The following ADGRG4 variants were observed in gnomAD, a reference collection of about 807,000 sequenced individuals.
The protein encoded by ADGRG4 is adhesion G protein-coupled receptor G4.
Under a neutral mutation model 126.2 loss-of-function variants are expected in ADGRG4, and 122 were observed. The observed-to-expected ratio is 0.97, with a 90% CI of 0.83 to 1.12. The LOEUF (loss-of-function observed/expected upper bound fraction) is 1.12, where lower values mean the gene tolerates loss of function less well. Ranked by LOEUF, ADGRG4 falls within the 50% of genes most tolerant of loss-of-function variation. The pLI, the probability that ADGRG4 is intolerant of heterozygous loss-of-function variation, is 0.00. For synonymous variants in ADGRG4, 943 were observed against 838.7 expected, an observed-to-expected ratio of 1.12 and a Z score of -2.15; for missense variants, 2,481 against 2,251.8, an observed-to-expected ratio of 1.10 and a Z score of -2.06.
chrX:136,389,813 T>G (rs1044981803), intron 16 of ADGRG4, among the ~76,000 whole-genome samples: 12 of 112,024 alleles, frequency 1.1e-4, no homozygotes, highest in Non-Finnish European at 2.1e-4. Context: ...CTCATGGAAC[T>G]TCCAGTCTGC....
intron 21 of ADGRG4, 54 bp downstream of exon 21, chrX:136,400,170 A>C (rs1348102389): frequency 1.0e-6 from 1 of 959,937 alleles, no homozygotes; most frequent in African/African-American, 1.9e-5. Context: ...TGTCTTTCTA[A>C]TTCTAGCTCT....
At chrX:136,391,083 A>C (rs2075317120) in intron 16 of ADGRG4, among the ~76,000 whole-genome samples, 1 of 111,270 alleles carries the variant, frequency 9.0e-6, no homozygotes, top group Admixed American at 9.6e-5. Flanking sequence ...GTCCTAGTGG[A>C]GCCCCAGGCT....
chrX:136,363,218 G>T, intron 12 of ADGRG4, among the ~76,000 whole-genome samples: 1 of 111,356 alleles, frequency 9.0e-6, no homozygotes, highest in Non-Finnish European at 1.9e-5. Context: ...GTAGGACATT[G>T]CCATGCCCCA....
In ADGRG4 at chrX:136,344,452, T is replaced by C; in HGVS notation, c.746T>C (p.Met249Thr). The C allele has an allele frequency of 8.4e-7, 1 of 1,189,747 alleles. No homozygotes were observed. The highest frequency in any genetic ancestry group is 1.1e-6 in the Non-Finnish European group (1 of 876,818). ...KSTTVSQQIDMTTPSQITGVK... is the reference protein window; with the variant it reads ...KSTTVSQQIDTTTPSQITGVK... ...ACAACTGTTTCACAACAGATAGATA[T>C]GACCACTCCATCCCAAATTACTGGA... Residue 249 changes from methionine to threonine, a missense_variant, in exon 6 of 26, where the codon ATG (methionine) becomes ACG (threonine). Met to Thr is a moderately conservative substitution (Grantham distance 81, BLOSUM62 -1). Coordinates refer to ENST00000394143, the MANE Select transcript of ADGRG4 (RefSeq NM_153834.4).
intron 14 of ADGRG4, among the ~76,000 whole-genome samples, 193 bp downstream of exon 14, chrX:136,371,737 AG>A (rs1025847198): frequency 1.8e-5 from 2 of 111,742 alleles, no homozygotes; most frequent in African/African-American, 6.5e-5. Flanking sequence ...CAGCATAACA[AG>A]GATTTACATA....
At chrX:136,367,625 T>C (rs1222645691) in intron 13 of ADGRG4, among the ~76,000 whole-genome samples, 1 of 112,486 alleles carries the variant, frequency 8.9e-6, no homozygotes, top group Non-Finnish European at 1.9e-5. Flanking sequence ...TTGTAATGTA[T>C]ATAACTGAAA....
At chrX:136,325,974 G>A (rs769681076) in intron 5 of ADGRG4, among the ~76,000 whole-genome samples, 1 of 112,116 alleles carries the variant, frequency 8.9e-6, no homozygotes, top group African/African-American at 3.2e-5. Flanking sequence ...CCCTCCCAGA[G>A]TGTTGGGATT....
At position 136,347,749 on chromosome X, in the gene ADGRG4, C is replaced by T; in HGVS notation, c.4043C>T (p.Thr1348Ile). 1 of 1,210,781 alleles carries T rather than the reference C, an allele frequency of 8.3e-7. No individual in the cohort carries two copies. The highest frequency in any genetic ancestry group is 1.8e-5 in the South Asian group (1 of 56,960). The change falls in exon 6 of 26, where the codon ACA becomes ATA. Residue 1348 changes from threonine to isoleucine, a missense_variant. Thr to Ile is a moderately conservative substitution (Grantham distance 89). Coordinates refer to ENST00000394143, the MANE Select transcript of ADGRG4 (RefSeq NM_153834.4). ...QITPTLTSSN[T>I]VGVHIPEMST... ...ACACCAACCTTGACCTCAAGTAACA[C>T]AGTAGGTGTTCACATTCCAGAAATG...
Position 136,410,509 on chromosome X carries a change from G to T in ADGRG4, c.8936-1756G>T, listed in dbSNP as rs1191739157. ...TAGACTGGTGCTCAGTTTACAATGG[G>T]TTAAGACCTCTTTGATACTAATCAT... On this transcript the variant is annotated intron_variant, in intron 23 of 25. Coordinates refer to ENST00000394143, the MANE Select transcript of ADGRG4 (RefSeq NM_153834.4). 4.5e-5 allele frequency among the ~76,000 whole-genome samples: 5 copies of T among 111,784 alleles called. No individual in the cohort carries two copies. The East Asian group carries it at 8.4e-4, about 19-fold the overall frequency.
In ADGRG4 at chrX:136,348,806, A is replaced by G. The variant is rs1569324266; in HGVS notation, c.5100A>G (p.Leu1700=). 6 of 1,209,202 alleles carry G rather than the reference A, an allele frequency of 5.0e-6. No individual in the cohort carries two copies. The highest frequency in any genetic ancestry group is 1.8e-5 in the South Asian group (1 of 56,865). ...SIPKTTFSPF[L]SATQQSSQAD... ...CAAAGACCACATTTTCACCATTTCT[A>G]TCAGCAACTCAACAGTCATCACAAG... Residue 1700 remains leucine, a synonymous_variant, in exon 6 of 26, where the codon CTA becomes CTG. Transcript: ENST00000394143.
Position 136,322,867 on chromosome X carries a change from C to T in ADGRG4, c.160C>T (p.Arg54Ter), listed in dbSNP as rs148277760. Residue 54 changes from arginine (R) to a stop codon, truncating the protein, a stop_gained, in exon 5 of 26, where the codon CGA becomes TGA. Coordinates refer to ENST00000394143, the MANE Select transcript of ADGRG4 (RefSeq NM_153834.4). LOFTEE classifies it high-confidence loss of function. ...SLIDTIPELS[R>*]FTACIDLVFM... ...GATAGATACCATTCCTGAACTCAGCCGATTCACAGCATGCATTGATCTGGT... is the reference window on the plus strand; with the variant it reads ...GATAGATACCATTCCTGAACTCAGCTGATTCACAGCATGCATTGATCTGGT... The T allele has an allele frequency of 5.0e-6, 6 of 1,210,866 alleles. No homozygotes were observed. Among genetic ancestry groups the T allele is most frequent in the Non-Finnish European group, 6.7e-6 (6 of 894,926 alleles).
At chrX:136,398,130 G>A in intron 20 of ADGRG4, 128 bp downstream of exon 20, 3 of 541,424 alleles carry the variant, frequency 5.5e-6, no homozygotes, top group South Asian at 5.2e-5. Flanking sequence ...CTTATGAAGT[G>A]GACAGGTTAA....
intron 16 of ADGRG4, among the ~76,000 whole-genome samples, chrX:136,390,727 A>G (rs1459316054): frequency 2.7e-5 from 3 of 111,770 alleles, no homozygotes; most frequent in African/African-American, 9.8e-5. Context: ...TGGCATGGCT[A>G]CCGTTTTGTA....
At chrX:136,315,778 T>C (rs1263078277) in intron 4 of ADGRG4, among the ~76,000 whole-genome samples, 3 of 111,973 alleles carry the variant, frequency 2.7e-5, no homozygotes, top group Non-Finnish European at 5.6e-5. Context: ...TCCAATATTA[T>C]TGGTATCTTT....
At chrX:136,398,827 T>C (rs757224508) in intron 20 of ADGRG4, among the ~76,000 whole-genome samples, 91 of 112,153 alleles carry the variant, frequency 8.1e-4, no homozygotes, top group African/African-American at 2.7e-3. Context: ...ATATGTACAA[T>C]AATATTTATA....
rs759585174 is a variant in ADGRG4, at chrX:136,406,913, C to CA, written c.8935+957dup. Among the ~76,000 whole-genome samples, 357 of 58,145 alleles carry CA rather than the reference C, an allele frequency of 6.1e-3. 1 individual carries two copies. The highest frequency in any genetic ancestry group is 0.013 in the African/African-American group (218 of 16,648). 50.5% of individuals were successfully genotyped at this position (58,145 alleles called of 115,157 possible). ...CCTGGGCAACAAAGAGAGACTCTGT[C>CA]AAAAAAAAAAAAAAAAGCTAGAGTC... On this transcript the variant is annotated intron_variant, in intron 23 of 25. Transcript: ENST00000394143.
chrX:136,305,365 C>T (rs1483454573), intron 3 of ADGRG4, among the ~76,000 whole-genome samples: 1 of 111,605 alleles, frequency 9.0e-6, no homozygotes, highest in East Asian at 2.8e-4. Flanking sequence ...TCCTGCTTTA[C>T]CTTTCACAAG....
rs749359545 is a variant in ADGRG4, at chrX:136,359,468, G to A, written c.7144+13G>A. 8.6e-7 allele frequency: 1 copy of A among 1,164,067 alleles called. No individual in the cohort carries two copies. Among genetic ancestry groups the A allele is most frequent in the African/African-American group, 1.8e-5 (1 of 55,843 alleles). On this transcript the variant is annotated intron_variant, in intron 11 of 25. Coordinates refer to ENST00000394143, the MANE Select transcript of ADGRG4 (RefSeq NM_153834.4). The stretch of plus-strand genomic sequence containing the variant: ...GTGAAAAAACTAGGTAATTTTTTTG[G>A]GGGGTGGATATTGCAGTATGAACTT...
chrX:136,335,690 C>T (rs890130509), intron 5 of ADGRG4, among the ~76,000 whole-genome samples: 1 of 111,505 alleles, frequency 9.0e-6, no homozygotes, highest in African/African-American at 3.2e-5. Context: ...TTTTTAATTG[C>T]TGCAGAATAA....
Sources: gnomAD v4.1 joint callset for allele counts (sites outside exome capture counted in the v4.1 genomes callset) on GRCh38, gnomAD v4.1.1 for gene constraint, MANE v1.5 for transcripts, NCBI Gene and HGNC (gene_info 2026-07-23, HGNC 2026-07-21) for gene names.